CHRNA7: variants seen among roughly 807,000 people sequenced by gnomAD.
The protein encoded by CHRNA7 is neuronal acetylcholine receptor subunit alpha-7.
Under a neutral mutation model 48.0 loss-of-function variants are expected in CHRNA7, and 17 were observed. That is an observed-to-expected ratio of 0.35 (90% CI 0.24 to 0.53). The LOEUF is 0.53. CHRNA7 is among the 20% of genes least tolerant of loss of function. CHRNA7 has a pLI of 0.92. For missense variants in CHRNA7, 155 were observed against 577.7 expected (o/e 0.27, Z 7.50); for synonymous variants, 75 against 242.3 (o/e 0.31, Z 6.41).
intron 4 of CHRNA7, among the ~76,000 whole-genome samples, chr15:32,147,854 A>G (rs949895528): frequency 6.6e-6 from 1 of 152,166 alleles, no homozygotes; most frequent in African/African-American, 2.4e-5. Flanking sequence ...CAGAAAATTT[A>G]CCCATTCTCA....
At chr15:32,055,298 G>T (rs1345495348) in intron 2 of CHRNA7, among the ~76,000 whole-genome samples, 3 of 151,534 alleles carry the variant, frequency 2.0e-5, no homozygotes, top group East Asian at 3.9e-4. Flanking sequence ...CTGTATTACA[G>T]ATATAAACCC....
At chr15:32,063,731 C>T (rs1464296743) in intron 2 of CHRNA7, among the ~76,000 whole-genome samples, 1 of 152,180 alleles carries the variant, frequency 6.6e-6, no homozygotes, top group Non-Finnish European at 1.5e-5. Flanking sequence ...ATCCTGAAAC[C>T]ACTTGAGGGA....
chr15:32,127,674 T>A (rs2051091863), intron 4 of CHRNA7, among the ~76,000 whole-genome samples: 1 of 152,126 alleles, frequency 6.6e-6, no homozygotes, highest in South Asian at 2.1e-4. Context: ...GTTTTATTTT[T>A]ACTCTTGAGA....
At chr15:32,138,539 C>T (rs2051314392) in intron 4 of CHRNA7, among the ~76,000 whole-genome samples, 1 of 151,188 alleles carries the variant, frequency 6.6e-6, no homozygotes, top group Non-Finnish European at 1.5e-5. Context: ...ATCATTACCA[C>T]CCAGAGTCCA....
chr15:32,146,329 T>G (rs913384402), intron 4 of CHRNA7, among the ~76,000 whole-genome samples: 1 of 152,216 alleles, frequency 6.6e-6, no homozygotes, highest in Non-Finnish European at 1.5e-5. Context: ...CACTTAATGC[T>G]GAAACATTAG....
At chr15:32,110,558 T>A (rs565117286) in intron 3 of CHRNA7, among the ~76,000 whole-genome samples, 1 of 152,360 alleles carries the variant, frequency 6.6e-6, no homozygotes, top group East Asian at 1.9e-4. Flanking sequence ...TTCTGGATGC[T>A]GCCTGCCCTC....
chr15:32,030,813 G>A (rs1901786645), intron 1 of CHRNA7, 85 bp from the exon 2 acceptor site: 1 of 1,532,016 alleles, frequency 6.5e-7, no homozygotes, highest in South Asian at 1.2e-5. Context: ...CACCGGGTGG[G>A]CGGCGGGGGA....
intron 4 of CHRNA7, among the ~76,000 whole-genome samples, chr15:32,126,542 C>G (rs951252042): frequency 6.6e-6 from 1 of 152,162 alleles, no homozygotes; most frequent in Non-Finnish European, 1.5e-5. Flanking sequence ...TTCTGTTCCT[C>G]GCTCCCTAAA....
rs369944588 is a variant in CHRNA7 at position 32,033,450 on chromosome 15, A to G, written c.195+2413A>G. Reference sequence around the variant, plus strand: ...AGGTAGGGCTATGAGGAAAACCAACATCGGACAAGTCCTTTGTCTTTCATC... The same window carrying G: ...AGGTAGGGCTATGAGGAAAACCAACGTCGGACAAGTCCTTTGTCTTTCATC... On this transcript the variant is annotated intron_variant, in intron 2 of 9. Transcript: ENST00000306901. Among the ~76,000 whole-genome samples the G allele has an allele frequency of 6.7e-4, 102 of 152,328 alleles. No homozygotes were observed. The South Asian group carries it at 0.02, about 30-fold the overall frequency.
chr15:32,051,826 A>G (rs944710641), intron 2 of CHRNA7, among the ~76,000 whole-genome samples: 3 of 152,074 alleles, frequency 2.0e-5, no homozygotes, highest in Non-Finnish European at 4.4e-5. Context: ...ACAGGCATGC[A>G]CCACCATGCC....
intron 4 of CHRNA7, among the ~76,000 whole-genome samples, chr15:32,123,486 G>A (rs2051009848): frequency 6.6e-6 from 1 of 152,110 alleles, no homozygotes; most frequent in Non-Finnish European, 1.5e-5. Context: ...CCCTGGCATG[G>A]GTATGAACAT....
intron 2 of CHRNA7, among the ~76,000 whole-genome samples, chr15:32,038,723 T>C (rs2049395639): frequency 6.6e-6 from 1 of 152,184 alleles, no homozygotes. Context: ...TGGTTTGTGG[T>C]TATCTTTTCT....
rs201054843 is a variant in CHRNA7 at position 32,134,614 on chromosome 15, CACAT to C, written c.351-19289_351-19286del. Among the ~76,000 whole-genome samples the C allele has an allele frequency of 1.6e-3, 240 of 152,248 alleles. 1 individual carries two copies. In the East Asian group the frequency reaches 0.025, roughly 16 times the overall value. On this transcript the variant is annotated intron_variant, in intron 4 of 9. Transcript: ENST00000306901. Reference sequence around the variant, plus strand: ...GCTAAAAATGAACTTCAAATTAAAACACATACAGAAACATCTCACTTTGAGCAAG... The same window carrying C: ...GCTAAAAATGAACTTCAAATTAAAACACAGAAACATCTCACTTTGAGCAAG...
At chr15:32,143,131 C>T (rs549466834) in intron 4 of CHRNA7, among the ~76,000 whole-genome samples, 13 of 152,330 alleles carry the variant, frequency 8.5e-5, no homozygotes, top group African/African-American at 3.1e-4. Context: ...TCTTTGTTCT[C>T]ATTGGTTTCA....
rs369541016 is a variant in CHRNA7 at position 32,148,182 on chromosome 15, G to A, written c.351-5725G>A. Among the ~76,000 whole-genome samples, 73 of 152,350 alleles carry A rather than the reference G, an allele frequency of 4.8e-4. 2 individuals carry two copies. The South Asian group carries it at 0.015, about 31-fold the overall frequency. On this transcript the variant is annotated intron_variant, in intron 4 of 9. Transcript: ENST00000306901. The stretch of plus-strand genomic sequence containing the variant: ...GAAGCATTTTCTTTGCAGCAGGACA[G>A]AGTGCCTGGATTTCTTCTTCTTATT...
intron 2 of CHRNA7, among the ~76,000 whole-genome samples, chr15:32,076,341 G>A (rs960984415): frequency 2.0e-5 from 3 of 152,132 alleles, no homozygotes; most frequent in Non-Finnish European, 2.9e-5. Context: ...GTGTTTTGAA[G>A]TTTGATGACA....
At chr15:32,126,536 G>C (rs2051069640) in intron 4 of CHRNA7, among the ~76,000 whole-genome samples, 1 of 152,162 alleles carries the variant, frequency 6.6e-6, no homozygotes, top group Non-Finnish European at 1.5e-5. Flanking sequence ...GTTAATTTCT[G>C]TTCCTCGCTC....
chr15:32,077,957 A>G (rs2050159870), intron 2 of CHRNA7, among the ~76,000 whole-genome samples: 1 of 152,172 alleles, frequency 6.6e-6, no homozygotes, highest in Non-Finnish European at 1.5e-5. Flanking sequence ...CCCGTGACCC[A>G]AACACTTCCC....
intron 3 of CHRNA7, among the ~76,000 whole-genome samples, chr15:32,110,200 G>T (rs1288274764): frequency 6.6e-6 from 1 of 152,196 alleles, no homozygotes; most frequent in East Asian, 1.9e-4. Flanking sequence ...AGGGCCTTGT[G>T]CCCAGGGCAA....
Sources: gnomAD v4.1 joint callset for allele counts (sites outside exome capture counted in the v4.1 genomes callset) on GRCh38, gnomAD v4.1.1 for gene constraint, MANE v1.5 for transcripts, NCBI Gene and HGNC (gene_info 2026-07-23, HGNC 2026-07-21) for gene names.